STYX: variants seen among roughly 807,000 people sequenced by gnomAD.
The protein encoded by STYX is serine/threonine/tyrosine interacting protein.
Under a neutral mutation model 42.7 loss-of-function variants are expected in STYX, and 20 were observed. The observed-to-expected ratio is 0.47, with a 90% confidence interval of 0.33 to 0.68. The LOEUF is 0.68. Among genes scored for constraint, STYX ranks in the 30% least tolerant of loss-of-function variants. The pLI, the probability that STYX is intolerant of heterozygous loss-of-function variation, is 0.02. For synonymous variants in STYX, 78 were observed against 81.9 expected, an observed-to-expected ratio of 0.95 and a Z score of 0.26; for missense variants, 226 against 268.5, an observed-to-expected ratio of 0.84 and a Z score of 1.11.
rs1384614853 is a variant in STYX, at chr14:52,757,340, A to C, written c.325A>C (p.Ser109Arg). 3 of 1,606,948 alleles carry C rather than the reference A, an allele frequency of 1.9e-6. No individual in the cohort carries two copies. The highest frequency in any genetic ancestry group is 2.6e-6 in the Non-Finnish European group (3 of 1,175,626). Residue 109 changes from serine to arginine, a missense_variant, in exon 6 of 11, where the codon AGC becomes CGC. Ser to Arg is a moderately radical substitution (Grantham distance 110). Transcript: ENST00000354586. The stretch of plus-strand genomic sequence containing the variant: ...CCAGACTAAGGAATTTATTGATGGG[A>C]GCTTACAAATGGGAGGTAAATAACA... ...FPMTKEFIDG[S>R]LQMGGKVLVH...
intron 1 of STYX, among the ~76,000 whole-genome samples, chr14:52,733,677 A>T (rs867750613): frequency 2.0e-4 from 30 of 152,186 alleles, no homozygotes; most frequent in African/African-American, 6.8e-4. Context: ...GTGAACAGCC[A>T]GTAGGAAGAG....
chr14:52,770,003 C>T (rs1882451363), intron 10 of STYX, among the ~76,000 whole-genome samples: 1 of 151,944 alleles, frequency 6.6e-6, no homozygotes, highest in South Asian at 2.1e-4. Context: ...TGATGGTTTC[C>T]TGTGTGTGTC....
At chr14:52,742,272 T>C (rs945201119) in intron 1 of STYX, among the ~76,000 whole-genome samples, 2 of 152,242 alleles carry the variant, frequency 1.3e-5, no homozygotes, top group African/African-American at 4.8e-5. Context: ...TTCCCTAGTT[T>C]ATCTTTCACT....
Position 52,757,443 on chromosome 14 carries a change from T to C in STYX, c.340+88T>C, listed in dbSNP as rs563339813. ...TGGTATTTGTCTTAAATGCAGGATA[T>C]GGAAGTTACAATTATATGTAGTAGC... On this transcript the variant is annotated intron_variant, in intron 6 of 10. Coordinates refer to ENST00000354586, the MANE Select transcript of STYX (RefSeq NM_145251.4). 11 of 1,234,858 alleles carry C rather than the reference T, an allele frequency of 8.9e-6. No individual in the cohort carries two copies. The African/African-American group carries it at 1.7e-4, about 19-fold the overall frequency. 76.5% of individuals were successfully genotyped at this position (1,234,858 alleles called of 1,614,324 possible).
At chr14:52,748,519 T>C (rs151043068) in intron 3 of STYX, among the ~76,000 whole-genome samples, 122 of 152,356 alleles carry the variant, frequency 8.0e-4, no homozygotes, top group African/African-American at 2.7e-3. Flanking sequence ...TTGTAATTAG[T>C]AAACGGTTTG....
At chr14:52,755,992 A>C (rs919821226) in intron 4 of STYX, among the ~76,000 whole-genome samples, 2 of 152,108 alleles carry the variant, frequency 1.3e-5, no homozygotes, top group African/African-American at 4.8e-5. Flanking sequence ...TTTCTATTTT[A>C]ACCAGATGGT....
chr14:52,763,140 G>A lies in STYX; in HGVS notation c.504+3386G>A, dbSNP rs908226217. ...ACTCCTAACCTCTGGTGATCCGCCC[G>A]CCTCGGCCCCCAGAGTGCTGGGGTT... is the stretch of plus-strand genomic sequence containing the variant. On this transcript the variant is annotated intron_variant, in intron 9 of 10. Transcript: ENST00000354586. 5.3e-5 allele frequency among the ~76,000 whole-genome samples: 8 copies of A among 151,930 alleles called. No individual in the cohort carries two copies. In the South Asian group the frequency reaches 8.3e-4, roughly 16 times the overall value.
At chr14:52,744,823 T>A in intron 1 of STYX, 29 bp from the exon 2 acceptor site, 1 of 1,609,672 alleles carries the variant, frequency 6.2e-7, no homozygotes, top group Non-Finnish European at 8.5e-7. Context: ...AAATGTTATC[T>A]ACTTTTATTC....
Position 52,730,272 on chromosome 14 carries a change from C to T in STYX, c.-203C>T. On this transcript the variant is annotated 5_prime_UTR_variant, in exon 1 of 11. Coordinates refer to ENST00000354586, the MANE Select transcript of STYX (RefSeq NM_145251.4). ...TGGCGGCCGGGTGTAAGACGCCCGA[C>T]CCTCCTCTTCCCTGTCTTCGCCGCC... The T allele has an allele frequency of 1.7e-6, 1 of 588,934 alleles. No homozygotes were observed. Among genetic ancestry groups the T allele is most frequent in the African/African-American group, 1.9e-5 (1 of 52,778 alleles). 36.5% of individuals were successfully genotyped at this position (588,934 alleles called of 1,614,324 possible).
At chr14:52,738,192 T>C (rs1462083958) in intron 1 of STYX, among the ~76,000 whole-genome samples, 1 of 152,242 alleles carries the variant, frequency 6.6e-6, no homozygotes, top group Non-Finnish European at 1.5e-5. Flanking sequence ...AATGAACTTT[T>C]CTGTGAGAGA....
In STYX at chr14:52,757,235, A is replaced by G. The variant is rs541310195; in HGVS notation, c.304-84A>G. ...ATAATTTTTATACATATAAATTAGG[A>G]AATTGTTTTCAATAGGTTTCATTTT... On this transcript the variant is annotated intron_variant, in intron 5 of 10. Transcript: ENST00000354586. 96 of 1,095,696 alleles carry G rather than the reference A, an allele frequency of 8.8e-5. 1 individual carries two copies. The South Asian group carries it at 1.4e-3, about 16-fold the overall frequency. The allele number at this position is 1,095,696 out of a possible 1,614,324, so 67.9% of individuals were successfully genotyped here.
At chr14:52,758,661 C>T (rs1048780265) in intron 8 of STYX, among the ~76,000 whole-genome samples, 3 of 152,006 alleles carry the variant, frequency 2.0e-5, no homozygotes, top group Admixed American at 2.0e-4. Flanking sequence ...CTGCAACCCC[C>T]GCCTCCCAGA....
intron 3 of STYX, 62 bp downstream of exon 3, chr14:52,746,541 T>A (rs1881404246): frequency 7.1e-7 from 1 of 1,408,818 alleles, no homozygotes; most frequent in East Asian, 2.6e-5. Context: ...TTGGGTAAGT[T>A]TTTTAGTAAT....
chr14:52,753,442 C>T (rs1181498355), intron 4 of STYX, among the ~76,000 whole-genome samples: 4 of 152,204 alleles, frequency 2.6e-5, no homozygotes, highest in East Asian at 3.9e-4. Context: ...ACCTCGGCCT[C>T]CCAAAGCACT....
chr14:52,730,440 C>T lies in STYX; in HGVS notation c.-35C>T, dbSNP rs1209280843. The T allele has an allele frequency of 6.2e-7, 1 of 1,610,746 alleles. No homozygotes were observed. The highest frequency in any genetic ancestry group is 1.7e-5 in the Admixed American group (1 of 59,674). On this transcript the variant is annotated 5_prime_UTR_variant, in exon 1 of 11. Transcript: ENST00000354586. ...GAGGGTCGGCCGGCTGTGTAACACTCTCCCACCCCACCCACCAGCCCGCGG... is the reference window on the plus strand; with the variant it reads ...GAGGGTCGGCCGGCTGTGTAACACTTTCCCACCCCACCCACCAGCCCGCGG...
At chr14:52,742,643 A>G (rs1468723790) in intron 1 of STYX, among the ~76,000 whole-genome samples, 1 of 152,238 alleles carries the variant, frequency 6.6e-6, no homozygotes, top group Admixed American at 6.5e-5. Context: ...AGTTGAATTT[A>G]TAGGCAAAAT....
chr14:52,767,805 T>A (rs750126271), intron 9 of STYX, among the ~76,000 whole-genome samples: 19 of 152,170 alleles, frequency 1.2e-4, no homozygotes, highest in Admixed American at 6.5e-5. Context: ...TCAAAATCTG[T>A]GAGAGTGGGG....
At chr14:52,755,126 T>TTG (rs949470603) in intron 4 of STYX, among the ~76,000 whole-genome samples, 12 of 150,526 alleles carry the variant, frequency 8.0e-5, no homozygotes, top group African/African-American at 2.4e-4. Context: ...TTTTTGTTTT[T>TTG]TTTTTTTTGT....
Position 52,763,489 on chromosome 14 carries a change from C to A in STYX, c.504+3735C>A, listed in dbSNP as rs2139930297. On this transcript the variant is annotated intron_variant, in intron 9 of 10. Transcript: ENST00000354586. ...TCAAAAATTCAAGGCTATTAATTATCCTCTTTGCATTGTGTTAGTCGCATG... is the reference window on the plus strand; with the variant it reads ...TCAAAAATTCAAGGCTATTAATTATACTCTTTGCATTGTGTTAGTCGCATG... 1.3e-5 allele frequency among the ~76,000 whole-genome samples: 2 copies of A among 152,188 alleles called. 1 individual carries two copies. The highest frequency in any genetic ancestry group is 4.2e-4 in the South Asian group (2 of 4,818).
Sources: gnomAD v4.1 joint callset for allele counts (sites outside exome capture counted in the v4.1 genomes callset) on GRCh38, gnomAD v4.1.1 for gene constraint, MANE v1.5 for transcripts, NCBI Gene and HGNC (gene_info 2026-07-23, HGNC 2026-07-21) for gene names.